The following VEGFD variants were observed in gnomAD, a reference collection of about 807,000 sequenced individuals.
VEGFD encodes vascular endothelial growth factor D.
Under a neutral mutation model 28.0 loss-of-function variants are expected in VEGFD, and 26 were observed. That is an observed-to-expected ratio of 0.93 (90% CI 0.68 to 1.29). The LOEUF (loss-of-function observed/expected upper bound fraction) is 1.29. Among genes scored for constraint, VEGFD ranks in the 50% most tolerant of loss-of-function variants. The pLI is 0.00. For synonymous variants in VEGFD, 93 were observed against 95.5 expected, an observed-to-expected ratio of 0.97 and a Z score of 0.15; for missense variants, 294 against 273.4, an observed-to-expected ratio of 1.08 and a Z score of -0.53.
chrX:15,373,667 T>C (rs1923366414), intron 1 of VEGFD, among the ~76,000 whole-genome samples: 1 of 111,796 alleles, frequency 8.9e-6, no homozygotes, highest in South Asian at 3.7e-4. Context: ...GTTCTCTTCT[T>C]ACTCACCCTG....
chrX:15,382,295 G>C (rs1923599576), intron 1 of VEGFD, among the ~76,000 whole-genome samples: 1 of 96,837 alleles, frequency 1.0e-5, no homozygotes, highest in African/African-American at 4.0e-5. Flanking sequence ...ACTCCAGCCT[G>C]GGTGACAGAG....
At chrX:15,373,782 C>G (rs1241502537) in intron 1 of VEGFD, among the ~76,000 whole-genome samples, 1 of 111,554 alleles carries the variant, frequency 9.0e-6, no homozygotes, top group East Asian at 2.8e-4. Context: ...CTCTTAGCAG[C>G]TTCTTCTGTT....
rs1393754976 is a variant in VEGFD, at chrX:15,345,830, C to T, written c.*303G>A. 4 of 261,107 alleles carry T rather than the reference C, an allele frequency of 1.5e-5. No individual in the cohort carries two copies. The highest frequency in any genetic ancestry group is 1.4e-5 in the Non-Finnish European group (2 of 147,220). 21.5% of individuals were successfully genotyped at this position (261,107 alleles called of 1,213,427 possible). On this transcript the variant is annotated 3_prime_UTR_variant, in exon 7 of 7. Transcript: ENST00000297904. ...CTCTGAGTAATCAGTCATATGACACCTGCCATTCCATGACCAGCACACCTT... is the reference window on the plus strand; with the variant it reads ...CTCTGAGTAATCAGTCATATGACACTTGCCATTCCATGACCAGCACACCTT...
intron 6 of VEGFD, 74 bp from the exon 7 acceptor site, chrX:15,346,333 T>G: frequency 9.3e-7 from 1 of 1,076,073 alleles, no homozygotes. Flanking sequence ...TGCTCTGATT[T>G]GATTAAGTTT....
intron 2 of VEGFD, 87 bp downstream of exon 2, chrX:15,363,022 T>C: frequency 2.3e-6 from 2 of 852,973 alleles, no homozygotes; most frequent in Non-Finnish European, 3.4e-6. Flanking sequence ...GACACGTGTC[T>C]GCCCTACGCA....
intron 1 of VEGFD, among the ~76,000 whole-genome samples, chrX:15,374,701 C>T (rs1438639973): frequency 9.1e-6 from 1 of 110,443 alleles, no homozygotes; most frequent in East Asian, 2.8e-4. Context: ...GAACTACACA[C>T]CAAAAGGGAA....
At chrX:15,377,394 G>A (rs187566371) in intron 1 of VEGFD, among the ~76,000 whole-genome samples, 9 of 111,954 alleles carry the variant, frequency 8.0e-5, no homozygotes, top group African/African-American at 2.9e-4. Flanking sequence ...CAAAGTATAC[G>A]TTCTTCCGTG....
chrX:15,382,461 A>G (rs1178755617), intron 1 of VEGFD, among the ~76,000 whole-genome samples: 4 of 111,973 alleles, frequency 3.6e-5, no homozygotes, highest in African/African-American at 1.3e-4. Context: ...TTATTATACC[A>G]TCAGATAAAG....
chrX:15,371,508 T>G (rs1196603797), intron 1 of VEGFD, among the ~76,000 whole-genome samples: 2 of 112,300 alleles, frequency 1.8e-5, no homozygotes, highest in Admixed American at 1.9e-4. Context: ...TGTCTTAATC[T>G]TAAACCTGAT....
At chrX:15,355,408 C>T in intron 3 of VEGFD, 110 bp from the exon 4 acceptor site, 2 of 585,536 alleles carry the variant, frequency 3.4e-6, no homozygotes, top group Non-Finnish European at 4.9e-6. Flanking sequence ...TGACTTTAGC[C>T]AAGTTGTCCA....
chrX:15,371,927 T>C (rs1205983925), intron 1 of VEGFD, among the ~76,000 whole-genome samples: 2 of 112,267 alleles, frequency 1.8e-5, no homozygotes, highest in Admixed American at 1.9e-4. Context: ...AAATTTATTA[T>C]GAGAGCACGT....
intron 1 of VEGFD, among the ~76,000 whole-genome samples, chrX:15,379,388 G>A (rs1017937885): frequency 9.0e-6 from 1 of 111,691 alleles, no homozygotes; most frequent in Non-Finnish European, 1.9e-5. Flanking sequence ...GCTCTAATGA[G>A]AGACTAGGCA....
chrX:15,345,598 G>GCTTGAATAATGGTGTT lies in VEGFD; in HGVS notation c.*519_*534dup, dbSNP rs1447617833. On this transcript the variant is annotated 3_prime_UTR_variant, in exon 7 of 7. Transcript: ENST00000297904. ...ATATTAAATAACATAAAATTATATGGCTTGAATAATGGTGTTTATTTTCTT... is the reference window on the plus strand; with the variant it reads ...ATATTAAATAACATAAAATTATATGGCTTGAATAATGGTGTTCTTGAATAATGGTGTTTATTTTCTT... The GCTTGAATAATGGTGTT allele has an allele frequency of 2.7e-5, 3 of 112,314 alleles. No homozygotes were observed. The highest frequency in any genetic ancestry group is 9.7e-5 in the African/African-American group (3 of 30,814). The allele number at this position is 112,314 out of a possible 1,213,427, so 9.3% of individuals were successfully genotyped here. A position where few individuals can be genotyped will look rare whatever the true frequency, so the allele number is the denominator to read the frequency against.
In VEGFD at chrX:15,362,401, T is replaced by C. The variant is rs775824840; in HGVS notation, c.301+708A>G. On this transcript the variant is annotated intron_variant, in intron 2 of 6. Transcript: ENST00000297904. ...CAGAAATAAAAAAAAAAGCTATACCTAATCTATTGGTTCGGGGAGGGGGTG... is the reference window on the plus strand; with the variant it reads ...CAGAAATAAAAAAAAAAGCTATACCCAATCTATTGGTTCGGGGAGGGGGTG... 3.6e-5 allele frequency among the ~76,000 whole-genome samples: 4 copies of C among 110,069 alleles called. No individual in the cohort carries two copies. The East Asian group carries it at 1.1e-3, about 31-fold the overall frequency.
At chrX:15,369,093 C>T (rs1302984145) in intron 1 of VEGFD, among the ~76,000 whole-genome samples, 2 of 111,670 alleles carry the variant, frequency 1.8e-5, no homozygotes, top group African/African-American at 6.5e-5. Context: ...TGAGCATCTC[C>T]ATAGCTTCCT....
chrX:15,369,865 G>T (rs17311364), intron 1 of VEGFD, among the ~76,000 whole-genome samples: 2,135 of 112,001 alleles, frequency 0.019, 127 homozygotes, highest in East Asian at 0.15. Flanking sequence ...CTGGAGGCAT[G>T]AAGACCAGGC....
At chrX:15,370,545 A>T (rs16979859) in intron 1 of VEGFD, among the ~76,000 whole-genome samples, 1,170 of 111,880 alleles carry the variant, frequency 0.01, 13 homozygotes, top group African/African-American at 0.035. Context: ...GATATGTGTC[A>T]GATTCATCTT....
intron 1 of VEGFD, among the ~76,000 whole-genome samples, chrX:15,371,604 C>T (rs1201216937): frequency 9.0e-6 from 1 of 111,354 alleles, no homozygotes; most frequent in Non-Finnish European, 1.9e-5. Context: ...TGATGGCTCA[C>T]TGATTTTTGA....
At chrX:15,383,287 C>T (rs188620326) in intron 1 of VEGFD, among the ~76,000 whole-genome samples, 1 of 112,244 alleles carries the variant, frequency 8.9e-6, no homozygotes, top group East Asian at 2.8e-4. Flanking sequence ...TTGATGCTTG[C>T]TCACAGAACC....
Sources: allele counts gnomAD v4.1 joint callset (sites outside exome capture counted in the v4.1 genomes callset), GRCh38; gene constraint gnomAD v4.1.1; transcripts MANE v1.5; gene names NCBI Gene and HGNC (gene_info 2026-07-23, HGNC 2026-07-21).